Variants in ATG7 observed in about 807,000 individuals in gnomAD.
ATG7 encodes the protein ubiquitin-like modifier-activating enzyme ATG7.
ATG7 carries 70 observed loss-of-function variants against 82.4 expected under a neutral mutation model. That is an observed-to-expected ratio of 0.85 (90% CI 0.70 to 1.04). ATG7 has a LOEUF of 1.04. ATG7 is among the 50% of genes least tolerant of loss of function. ATG7 has a pLI of 0.00. For missense variants in ATG7, 792 were observed against 864.3 expected, an observed-to-expected ratio of 0.92 and a Z score of 1.05; for synonymous variants, 287 against 313.0, an observed-to-expected ratio of 0.92 and a Z score of 0.88.
At chr3:11,411,998 C>G (rs942943778) in intron 19 of ATG7, among the ~76,000 whole-genome samples, 1 of 150,582 alleles carries the variant, frequency 6.6e-6, no homozygotes, top group Non-Finnish European at 1.5e-5. Context: ...TACTGAAACA[C>G]CAGGGTATTC....
At chr3:11,455,097 A>G in intron 20 of ATG7, among the ~76,000 whole-genome samples, 1 of 152,270 alleles carries the variant, frequency 6.6e-6, no homozygotes, top group East Asian at 1.9e-4. Flanking sequence ...ATTACTATAC[A>G]GATAGAGTCA....
chr3:11,340,170 C>T (rs1052782893), intron 11 of ATG7, among the ~76,000 whole-genome samples: 3 of 152,104 alleles, frequency 2.0e-5, no homozygotes, highest in African/African-American at 7.2e-5. Flanking sequence ...GTGATCTGCT[C>T]ACAGGTACAG....
Position 11,379,849 on chromosome 3 carries a change from C to T in ATG7, c.1876-123C>T, listed in dbSNP as rs112783399. 10 of 912,518 alleles carry T rather than the reference C, an allele frequency of 1.1e-5. No homozygotes were observed. The African/African-American group carries it at 1.5e-4, about 14-fold the overall frequency. The allele number at this position is 912,518 out of a possible 1,614,324, so 56.5% of individuals were successfully genotyped here. The stretch of plus-strand genomic sequence containing the variant: ...TACTCATTTCGAACTTATTTTTGCT[C>T]ATAATCTCTTTCCGGGCCGCCATAT... On this transcript the variant is annotated intron_variant, in intron 18 of 20. Coordinates refer to ENST00000693202, the MANE Select transcript of ATG7 (RefSeq NM_001349232.2).
intron 9 of ATG7, among the ~76,000 whole-genome samples, chr3:11,316,030 C>G (rs1949366326): frequency 1.3e-5 from 2 of 152,262 alleles, no homozygotes; most frequent in South Asian, 4.2e-4. Flanking sequence ...ATACCTTACT[C>G]TCTATTAGTG....
At chr3:11,400,952 G>T (rs927448133) in intron 19 of ATG7, among the ~76,000 whole-genome samples, 15 of 152,120 alleles carry the variant, frequency 9.9e-5, no homozygotes, top group Non-Finnish European at 1.6e-4. Flanking sequence ...GTGATATCAC[G>T]CAAAGCAATT....
At chr3:11,350,923 C>CAAAAAA (rs10709080) in intron 14 of ATG7, among the ~76,000 whole-genome samples, 5 of 57,630 alleles carry the variant, frequency 8.7e-5, no homozygotes, top group East Asian at 6.8e-4. Flanking sequence ...GACCCTAGCC[C>CAAAAAA]AAAAAAAAAA....
intron 9 of ATG7, among the ~76,000 whole-genome samples, chr3:11,326,840 A>G (rs776597058): frequency 2.6e-5 from 4 of 152,212 alleles, no homozygotes; most frequent in Non-Finnish European, 5.9e-5. Context: ...GAGTTCTCTC[A>G]CTTCTCATCC....
intron 20 of ATG7, among the ~76,000 whole-genome samples, chr3:11,440,217 C>T (rs2083750833): frequency 2.0e-5 from 3 of 152,090 alleles, no homozygotes; most frequent in Non-Finnish European, 4.4e-5. Flanking sequence ...CTAATAAAAT[C>T]CGTGGGAATG....
rs1162556501 is a variant in ATG7 at position 11,557,378 on chromosome 3, A to T, written c.*2535A>T. On this transcript the variant is annotated 3_prime_UTR_variant, in exon 21 of 21. Transcript: ENST00000693202. ...TGTTCAGCCAAGAGAGTTCAAAGGG[A>T]GCAGTTTCTGCATGTAGGGAAGTTG... 1 of 152,774 alleles carries T rather than the reference A, an allele frequency of 6.5e-6. No homozygotes were observed. The highest frequency in any genetic ancestry group is 2.4e-5 in the African/African-American group (1 of 41,448). The allele number at this position is 152,774 out of a possible 1,614,324, so 9.5% of individuals were successfully genotyped here. A position where few individuals can be genotyped will look rare whatever the true frequency, so the allele number is the denominator to read the frequency against.
intron 19 of ATG7, among the ~76,000 whole-genome samples, chr3:11,394,100 G>A (rs2079028388): frequency 6.6e-6 from 1 of 152,174 alleles, no homozygotes; most frequent in South Asian, 2.1e-4. Flanking sequence ...CATAGAATGA[G>A]TAAATTACAG....
At chr3:11,481,908 C>G (rs35854631) in intron 20 of ATG7, among the ~76,000 whole-genome samples, 1 of 152,016 alleles carries the variant, frequency 6.6e-6, no homozygotes, top group African/African-American at 2.4e-5. Flanking sequence ...GGCCCAAACA[C>G]GGGAATGTTT....
intron 20 of ATG7, among the ~76,000 whole-genome samples, chr3:11,490,848 G>C (rs2090272401): frequency 6.6e-6 from 1 of 152,222 alleles, no homozygotes; most frequent in Non-Finnish European, 1.5e-5. Flanking sequence ...TCAGCTGTTA[G>C]CCTGATGGGC....
At chr3:11,476,615 G>A (rs1427512076) in intron 20 of ATG7, among the ~76,000 whole-genome samples, 2 of 152,000 alleles carry the variant, frequency 1.3e-5, no homozygotes, top group Non-Finnish European at 2.9e-5. Flanking sequence ...TAGATGGAAT[G>A]GTAACTCACT....
chr3:11,573,771 G>A, the ATG7 span, among the ~76,000 whole-genome samples: 1 of 152,142 alleles, frequency 6.6e-6, no homozygotes, highest in Non-Finnish European at 1.5e-5. Context: ...TCTGTAATGG[G>A]TTGAACTGTG....
Position 11,477,458 on chromosome 3 carries a change from T to C in ATG7, c.2079+50532T>C, listed in dbSNP as rs566810811. ...GCATCAGCATGTTTTCTCCCTCTAA[T>C]TTATAAATGTCAGCACTTATTTCTT... On this transcript the variant is annotated intron_variant, in intron 20 of 20. Coordinates refer to ENST00000693202, the MANE Select transcript of ATG7 (RefSeq NM_001349232.2). 68 of 421,820 alleles carry C rather than the reference T, an allele frequency of 1.6e-4. 2 individuals are homozygous for C. The Middle Eastern group carries it at 0.011, about 68-fold the overall frequency. The allele number at this position is 421,820 out of a possible 1,614,324, so 26.1% of individuals were successfully genotyped here.
intron 20 of ATG7, among the ~76,000 whole-genome samples, chr3:11,537,672 C>T (rs935545757): frequency 6.6e-6 from 1 of 152,262 alleles, no homozygotes; most frequent in Non-Finnish European, 1.5e-5. Flanking sequence ...CACACTTCAT[C>T]ATCTGCCCTG....
intron 3 of ATG7, among the ~76,000 whole-genome samples, chr3:11,297,929 A>T (rs1448452452): frequency 6.6e-6 from 1 of 152,186 alleles, no homozygotes; most frequent in African/African-American, 2.4e-5. Context: ...AGTCAGACTG[A>T]CTCAAGGAAG....
intron 6 of ATG7, chr3:11,308,358 T>C (rs1380905168): frequency 6.6e-6 from 1 of 152,410 alleles, no homozygotes; most frequent in Non-Finnish European, 1.5e-5. Context: ...TATACATAAA[T>C]TTGAAGTTTG....
chr3:11,329,437 G>C (rs1022519957), intron 9 of ATG7, among the ~76,000 whole-genome samples: 9 of 152,010 alleles, frequency 5.9e-5, no homozygotes, highest in African/African-American at 2.2e-4. Flanking sequence ...GAAACCTATG[G>C]GTCAATTTAT....
Sources: gnomAD v4.1 joint callset for allele counts (sites outside exome capture counted in the v4.1 genomes callset) on GRCh38, gnomAD v4.1.1 for gene constraint, MANE v1.5 for transcripts, NCBI Gene and HGNC (gene_info 2026-07-23, HGNC 2026-07-21) for gene names.